Variants in CADM2 observed in about 807,000 individuals in gnomAD.
The protein encoded by CADM2 is immunoglobulin superfamily member 4D.
Under a neutral mutation model 49.8 loss-of-function variants are expected in CADM2, and 12 were observed. The ratio of observed to expected loss-of-function variants is 0.24; its 90% CI spans 0.15 to 0.39. The LOEUF is 0.39. Ranked by LOEUF, CADM2 falls within the 10% of genes least tolerant of loss-of-function variation. CADM2 has a pLI of 1.00. For synonymous variants in CADM2, 214 were observed against 175.4 expected, an observed-to-expected ratio of 1.22 and a Z score of -1.74; for missense variants, 378 against 492.3, an observed-to-expected ratio of 0.77 and a Z score of 2.20.
intron 1 of CADM2, among the ~76,000 whole-genome samples, chr3:85,290,989 C>T (rs557320240): frequency 3.3e-5 from 5 of 152,182 alleles, no homozygotes; most frequent in South Asian, 2.1e-4. Context: ...CAAATTACTC[C>T]GAGCTATGGG....
At chr3:85,501,040 C>T (rs1428282420) in intron 1 of CADM2, among the ~76,000 whole-genome samples, 4 of 152,148 alleles carry the variant, frequency 2.6e-5, no homozygotes, top group African/African-American at 4.8e-5. Flanking sequence ...AAAACCATTA[C>T]ATTTAAATTT....
At chr3:85,393,617 A>G (rs1298650315) in intron 1 of CADM2, among the ~76,000 whole-genome samples, 1 of 152,160 alleles carries the variant, frequency 6.6e-6, no homozygotes, top group East Asian at 1.9e-4. Flanking sequence ...GAGGTGGCAT[A>G]TTAGAAAGAG....
chr3:85,347,637 A>T (rs1559792661), intron 1 of CADM2, among the ~76,000 whole-genome samples: 2 of 139,818 alleles, frequency 1.4e-5, no homozygotes, highest in East Asian at 2.0e-4. Context: ...ATAAATATAT[A>T]TACATATATA....
intron 1 of CADM2, among the ~76,000 whole-genome samples, chr3:85,333,206 TATGA>T (rs1398332809): frequency 6.6e-6 from 1 of 151,674 alleles, no homozygotes; most frequent in Non-Finnish European, 1.5e-5. Flanking sequence ...TGGATAACTG[TATGA>T]ATGAATAGAA....
At chr3:85,856,776 T>C (rs1354027666) in intron 3 of CADM2, among the ~76,000 whole-genome samples, 1 of 152,148 alleles carries the variant, frequency 6.6e-6, no homozygotes, top group African/African-American at 2.4e-5. Context: ...TATATAAGTA[T>C]AGTAAAAACA....
intron 1 of CADM2, among the ~76,000 whole-genome samples, chr3:85,417,492 T>C (rs1413363114): frequency 2.0e-5 from 3 of 152,154 alleles, no homozygotes; most frequent in African/African-American, 7.2e-5. Flanking sequence ...TCACAAGACC[T>C]AATCAAATGT....
chr3:85,693,566 CAAAAAA>C (rs562723713), intron 1 of CADM2, among the ~76,000 whole-genome samples: 1 of 76,124 alleles, frequency 1.3e-5, no homozygotes, highest in African/African-American at 5.5e-5. Context: ...GGCGAAAGAG[CAAAAAA>C]AAAAAAAAAA....
intron 1 of CADM2, among the ~76,000 whole-genome samples, chr3:85,020,748 G>A (rs1195473836): frequency 5.0e-5 from 2 of 39,982 alleles, no homozygotes; most frequent in South Asian, 1.6e-3. Context: ...TGTGTACGGT[G>A]TGTGTGTGTG....
At chr3:85,648,480 A>G (rs1048555460) in intron 1 of CADM2, among the ~76,000 whole-genome samples, 9 of 152,004 alleles carry the variant, frequency 5.9e-5, no homozygotes, top group African/African-American at 9.6e-5. Flanking sequence ...TAATAGTATT[A>G]TATGTTTAAC....
intron 1 of CADM2, among the ~76,000 whole-genome samples, chr3:85,217,493 G>A (rs1170263540): frequency 6.6e-6 from 1 of 151,972 alleles, no homozygotes; most frequent in African/African-American, 2.4e-5. Flanking sequence ...ATTTGTAATT[G>A]AAAGCGGAGT....
intron 1 of CADM2, among the ~76,000 whole-genome samples, chr3:85,076,305 G>GTGTGTGTA (rs1490753945): frequency 7.1e-6 from 1 of 140,922 alleles, no homozygotes; most frequent in Non-Finnish European, 1.6e-5. Flanking sequence ...AAAAGAAATT[G>GTGTGTGTA]TGTGTGTGTG....
At chr3:85,341,785 C>A (rs528820892) in intron 1 of CADM2, among the ~76,000 whole-genome samples, 3 of 152,160 alleles carry the variant, frequency 2.0e-5, no homozygotes, top group African/African-American at 7.2e-5. Flanking sequence ...TTTAATCATT[C>A]ATTCAATCAG....
intron 1 of CADM2, among the ~76,000 whole-genome samples, chr3:85,565,687 A>G (rs1283826465): frequency 1.3e-5 from 2 of 152,200 alleles, no homozygotes; most frequent in African/African-American, 2.4e-5. Flanking sequence ...GAAGAAGACA[A>G]TCTTTCCATC....
chr3:85,049,692 A>C (rs1278281886), intron 1 of CADM2, among the ~76,000 whole-genome samples: 4 of 152,128 alleles, frequency 2.6e-5, no homozygotes, highest in Admixed American at 6.6e-5. Flanking sequence ...GATCTGAGAG[A>C]ATTCTTTAAA....
intron 1 of CADM2, among the ~76,000 whole-genome samples, chr3:85,235,801 T>C (rs1201940118): frequency 6.6e-6 from 1 of 152,158 alleles, no homozygotes; most frequent in Admixed American, 6.6e-5. Context: ...TAATGCTTTC[T>C]TTATGTTTTC....
chr3:85,372,012 T>G (rs1341440289), intron 1 of CADM2, among the ~76,000 whole-genome samples: 2 of 151,890 alleles, frequency 1.3e-5, no homozygotes, highest in Non-Finnish European at 2.9e-5. Flanking sequence ...TGTGGAGATA[T>G]GAAATAATAT....
intron 1 of CADM2, among the ~76,000 whole-genome samples, chr3:85,188,923 C>T (rs1028742309): frequency 1.2e-4 from 18 of 151,560 alleles, no homozygotes; most frequent in African/African-American, 3.4e-4. Flanking sequence ...CCCAGCTACT[C>T]GGGAGGCTGA....
intron 1 of CADM2, among the ~76,000 whole-genome samples, chr3:85,546,344 C>G (rs1345018005): frequency 2.6e-5 from 4 of 152,104 alleles, no homozygotes; most frequent in Non-Finnish European, 5.9e-5. Flanking sequence ...TAGCATCATC[C>G]AGATTTTATT....
At chr3:85,930,784 G>T (rs1209448336) in intron 6 of CADM2, among the ~76,000 whole-genome samples, 2 of 151,650 alleles carry the variant, frequency 1.3e-5, no homozygotes, top group Non-Finnish European at 1.5e-5. Context: ...AAAATGACTG[G>T]ATCTCATTCT....
Sources: allele counts gnomAD v4.1 joint callset (sites outside exome capture counted in the v4.1 genomes callset), GRCh38; gene constraint gnomAD v4.1.1; transcripts MANE v1.5; gene names NCBI Gene and HGNC (gene_info 2026-07-23, HGNC 2026-07-21).